SUSD1: variants seen among roughly 807,000 people sequenced by gnomAD.
SUSD1 encodes sushi domain containing 1, also known as sushi domain-containing protein 1.
In SUSD1, 65 loss-of-function variants were observed where a neutral mutation model predicts 86.9. That is an observed-to-expected ratio of 0.75 (90% CI 0.61 to 0.92). The LOEUF (loss-of-function observed/expected upper bound fraction) is 0.92, where lower values mean the gene tolerates loss of function less well. Ranked by LOEUF, SUSD1 falls within the 40% of genes least tolerant of loss-of-function variation. The probability of loss-of-function intolerance (pLI) is 0.00; values close to 1 mark genes in which losing one functional copy is unlikely to be tolerated. For synonymous variants in SUSD1, 346 were observed against 350.0 expected, an observed-to-expected ratio of 0.99 and a Z score of 0.13; for missense variants, 850 against 929.7, an observed-to-expected ratio of 0.91 and a Z score of 1.11.
rs1829613968 is a variant in SUSD1 at position 112,078,390 on chromosome 9, A to G, written c.1753+148T>C. ...ACATAACAGTCACAGAGGCGCCTTA[A>G]GGCACCTCTCCAATTCCATGTCCTT... is the stretch of plus-strand genomic sequence containing the variant. On this transcript the variant is annotated intron_variant, in intron 12 of 16. Transcript: ENST00000374270. The G allele has an allele frequency of 9.7e-6, 7 of 723,742 alleles. No individual in the cohort carries two copies. The South Asian group carries it at 1.3e-4, about 13-fold the overall frequency. 44.8% of individuals were successfully genotyped at this position (723,742 alleles called of 1,614,324 possible).
In SUSD1 at chr9:112,154,668, T is replaced by A. The variant is rs192747588; in HGVS notation, c.217+2832A>T. On this transcript the variant is annotated intron_variant, in intron 2 of 16. Coordinates refer to ENST00000374270, the MANE Select transcript of SUSD1 (RefSeq NM_022486.5). The stretch of plus-strand genomic sequence containing the variant: ...TTTTAGAAACAAGTCCAGCTGTCCA[T>A]AAAATGGAATATTCCTGTCCTTTGC... 4.5e-3 allele frequency among the ~76,000 whole-genome samples: 679 copies of A among 152,296 alleles called. 3 individuals are homozygous for A. The highest frequency in any genetic ancestry group is 0.016 in the African/African-American group (660 of 41,564).
At chr9:112,141,266 G>A (rs1832551024) in intron 5 of SUSD1, among the ~76,000 whole-genome samples, 1 of 152,190 alleles carries the variant, frequency 6.6e-6, no homozygotes, top group South Asian at 2.1e-4. Flanking sequence ...TAGGCAATAG[G>A]AATTTTTCAG....
At chr9:112,164,026 TA>T (rs1219049510) in intron 1 of SUSD1, among the ~76,000 whole-genome samples, 1 of 151,026 alleles carries the variant, frequency 6.6e-6, no homozygotes, top group African/African-American at 2.4e-5. Context: ...ATAAAAAAAA[TA>T]AAAAAACTTA....
At chr9:112,164,839 G>A (rs935405472) in intron 1 of SUSD1, among the ~76,000 whole-genome samples, 2 of 152,214 alleles carry the variant, frequency 1.3e-5, no homozygotes, top group Non-Finnish European at 2.9e-5. Context: ...AGTTACTTGG[G>A]AGGCTGAGGC....
intron 2 of SUSD1, among the ~76,000 whole-genome samples, chr9:112,156,441 G>A (rs150823572): frequency 0.012 from 1,792 of 150,390 alleles, 20 homozygotes; most frequent in Middle Eastern, 0.024. Flanking sequence ...CAGCCTGGGC[G>A]ACGAGTGAGA....
intron 5 of SUSD1, among the ~76,000 whole-genome samples, chr9:112,132,166 C>A (rs1832061586): frequency 6.6e-6 from 1 of 152,072 alleles, no homozygotes. Flanking sequence ...TTATACGCAT[C>A]AGCACAATAA....
intron 2 of SUSD1, among the ~76,000 whole-genome samples, chr9:112,154,277 C>A (rs542413071): frequency 6.6e-6 from 1 of 150,896 alleles, no homozygotes; most frequent in Non-Finnish European, 1.5e-5. Flanking sequence ...TCACTTGAGC[C>A]CAGTAGTTCA....
chr9:112,064,920 A>G (rs1828910935), intron 12 of SUSD1, among the ~76,000 whole-genome samples: 1 of 151,438 alleles, frequency 6.6e-6, no homozygotes, highest in Non-Finnish European at 1.5e-5. Context: ...AACCAGTTTT[A>G]CCAGCAATAA....
intron 1 of SUSD1, among the ~76,000 whole-genome samples, chr9:112,163,415 C>A (rs1833651119): frequency 6.6e-6 from 1 of 151,978 alleles, no homozygotes; most frequent in African/African-American, 2.4e-5. Context: ...AATCCTCCTA[C>A]CTCAGCCTAC....
At chr9:112,160,927 G>C (rs572969639) in intron 1 of SUSD1, among the ~76,000 whole-genome samples, 1 of 152,284 alleles carries the variant, frequency 6.6e-6, no homozygotes, top group African/African-American at 2.4e-5. Context: ...GAACCAGAAG[G>C]CTCCACATTA....
intron 9 of SUSD1, among the ~76,000 whole-genome samples, chr9:112,100,907 TTA>T (rs1830608505): frequency 7.3e-6 from 1 of 137,514 alleles, no homozygotes; most frequent in Non-Finnish European, 1.5e-5. Context: ...ATCTCTATTT[TTA>T]TACTTATTTA....
At chr9:112,053,440 A>T (rs538226361) in intron 14 of SUSD1, among the ~76,000 whole-genome samples, 38 of 137,898 alleles carry the variant, frequency 2.8e-4, no homozygotes, top group African/African-American at 1.0e-3. Flanking sequence ...ACTTGAACCC[A>T]GGAGGCGGAG....
chr9:112,100,207 G>A lies in SUSD1; in HGVS notation c.1282-1545C>T, dbSNP rs538168154. ...TAATTTTTTTGTTGTTGTTTTTTTAGACGGAGTCTTGCTCTGTCGCCCAGG... is the reference window on the plus strand; with the variant it reads ...TAATTTTTTTGTTGTTGTTTTTTTAAACGGAGTCTTGCTCTGTCGCCCAGG... On this transcript the variant is annotated intron_variant, in intron 9 of 16. Coordinates refer to ENST00000374270, the MANE Select transcript of SUSD1 (RefSeq NM_022486.5). Among the ~76,000 whole-genome samples the A allele has an allele frequency of 9.2e-5, 14 of 152,024 alleles. No individual in the cohort carries two copies. The South Asian group carries it at 2.1e-3, about 23-fold the overall frequency.
At chr9:112,151,325 G>A (rs185424541) in intron 2 of SUSD1, among the ~76,000 whole-genome samples, 37 of 152,214 alleles carry the variant, frequency 2.4e-4, no homozygotes, top group Admixed American at 1.0e-3. Context: ...GGCCAGGCAC[G>A]TTGGTTCACA....
chr9:112,050,921 C>T (rs575930825), intron 15 of SUSD1, among the ~76,000 whole-genome samples: 69 of 152,344 alleles, frequency 4.5e-4, no homozygotes, highest in African/African-American at 1.6e-3. Flanking sequence ...TTAAGCTATA[C>T]AGCGCTCAGC....
rs189876846 is a variant in SUSD1, at chr9:112,091,699, T to C, written c.1474+6771A>G. Among the ~76,000 whole-genome samples, 27 of 152,340 alleles carry C rather than the reference T, an allele frequency of 1.8e-4. 1 individual carries two copies. The highest frequency in any genetic ancestry group is 7.2e-4 in the Admixed American group (11 of 15,298). On this transcript the variant is annotated intron_variant, in intron 10 of 16. Coordinates refer to ENST00000374270, the MANE Select transcript of SUSD1 (RefSeq NM_022486.5). The stretch of plus-strand genomic sequence containing the variant: ...AACTATCCTGAAAGCAAAGTTACTA[T>C]TGTATAACTGCTCTATAAATAGTGG...
intron 14 of SUSD1, among the ~76,000 whole-genome samples, chr9:112,055,254 T>C (rs1828397154): frequency 6.6e-6 from 1 of 152,088 alleles, no homozygotes; most frequent in African/African-American, 2.4e-5. Flanking sequence ...GGCAAAATCC[T>C]GTCTCTATGA....
In SUSD1 at chr9:112,045,138, ATTTGT is replaced by A. The variant is rs142207364; in HGVS notation, c.2150-3183_2150-3179del. On this transcript the variant is annotated intron_variant, in intron 15 of 16. Coordinates refer to ENST00000374270, the MANE Select transcript of SUSD1 (RefSeq NM_022486.5). ...CCATCTTGGTGGACTAATTAACTAG[ATTTGT>A]TTTGTTTTGTTTTGTTTTTAAGAGA... Among the ~76,000 whole-genome samples, 6 of 152,196 alleles carry A rather than the reference ATTTGT, an allele frequency of 3.9e-5. No homozygotes were observed. The East Asian group carries it at 7.7e-4, about 20-fold the overall frequency.
At chr9:112,042,098 T>G in intron 15 of SUSD1, 138 bp from the exon 16 acceptor site, 1 of 1,543,780 alleles carries the variant, frequency 6.5e-7, no homozygotes. Flanking sequence ...ATGCCCAACA[T>G]GCCTGTGTGT....
Sources: allele counts gnomAD v4.1 joint callset (sites outside exome capture counted in the v4.1 genomes callset), GRCh38; gene constraint gnomAD v4.1.1; transcripts MANE v1.5; gene names NCBI Gene and HGNC (gene_info 2026-07-23, HGNC 2026-07-21).